The following ANKRD33B variants were observed in gnomAD, a reference collection of about 807,000 sequenced individuals.
The protein encoded by ANKRD33B is ankyrin repeat domain 33B.
Under a neutral mutation model 21.5 loss-of-function variants are expected in ANKRD33B, and 6 were observed. The observed-to-expected ratio is 0.28, with a 90% CI of 0.15 to 0.55. The LOEUF (loss-of-function observed/expected upper bound fraction) is 0.55, where lower values mean the gene tolerates loss of function less well. Ranked by LOEUF, ANKRD33B falls within the 20% of genes least tolerant of loss-of-function variation. The pLI is 0.94. For missense variants in ANKRD33B, 698 were observed against 747.2 expected, an observed-to-expected ratio of 0.93 and a Z score of 0.77; for synonymous variants, 347 against 342.4, an observed-to-expected ratio of 1.01 and a Z score of -0.15.
chr5:10,624,323 T>G lies in ANKRD33B; in HGVS notation c.496+5861T>G, dbSNP rs759967607. On this transcript the variant is annotated intron_variant, in intron 2 of 3. Transcript: ENST00000296657. ...TCTTGTATTTTCAGCAGAGGCGGGG[T>G]TTCACCATGTAGGCCAGACTGGTTT... Among the ~76,000 whole-genome samples the G allele has an allele frequency of 1.7e-4, 26 of 152,010 alleles. No homozygotes were observed. The South Asian group carries it at 2.9e-3, about 17-fold the overall frequency.
chr5:10,641,194 C>T (rs369147354), intron 3 of ANKRD33B, among the ~76,000 whole-genome samples: 1 of 146,238 alleles, frequency 6.8e-6, no homozygotes, highest in African/African-American at 2.5e-5. Context: ...TTGTCTTCTT[C>T]TTAGTTGTCC....
rs1288375041 is a variant in ANKRD33B, at chr5:10,639,640, A to G, written c.637+1472A>G. 6.2e-4 allele frequency among the ~76,000 whole-genome samples: 29 copies of G among 46,658 alleles called. 1 individual carries two copies. The highest frequency in any genetic ancestry group is 9.9e-4 in the South Asian group (1 of 1,008). 30.6% of individuals were successfully genotyped at this position (46,658 alleles called of 152,430 possible). On this transcript the variant is annotated intron_variant, in intron 3 of 3. Coordinates refer to ENST00000296657, the MANE Select transcript of ANKRD33B (RefSeq NM_001164440.2). Reference sequence around the variant, plus strand: ...GCGGCGATGTTAGCGGGTGACGCGGAGTTGCGCGGCGATGTTAGCGGGTGA... The same window carrying G: ...GCGGCGATGTTAGCGGGTGACGCGGGGTTGCGCGGCGATGTTAGCGGGTGA...
intron 2 of ANKRD33B, chr5:10,624,616 G>C (rs1410531907): frequency 5.1e-6 from 2 of 389,054 alleles, no homozygotes; most frequent in African/African-American, 4.2e-5. Context: ...AGAGGGGAGA[G>C]GGACTTTACA....
intron 1 of ANKRD33B, among the ~76,000 whole-genome samples, chr5:10,617,043 C>T (rs972109324): frequency 6.6e-6 from 1 of 152,184 alleles, no homozygotes; most frequent in Non-Finnish European, 1.5e-5. Flanking sequence ...AGGAAAAAGG[C>T]ACAAGAGAGC....
intron 1 of ANKRD33B, among the ~76,000 whole-genome samples, chr5:10,597,563 A>G (rs1275706844): frequency 6.6e-6 from 1 of 152,228 alleles, no homozygotes; most frequent in Non-Finnish European, 1.5e-5. Flanking sequence ...AGACCTACAA[A>G]GAGACTTAGA....
chr5:10,638,284 TA>T, intron 3 of ANKRD33B, 116 bp downstream of exon 3: 2 of 1,280,506 alleles, frequency 1.6e-6, no homozygotes, highest in Non-Finnish European at 2.1e-6. Context: ...GTTGCTGCAA[TA>T]AATAATAGTT....
chr5:10,614,818 C>T (rs7712598), intron 1 of ANKRD33B, among the ~76,000 whole-genome samples: 131,844 of 151,748 alleles, frequency 0.87, 57,436 homozygotes, highest in East Asian at 0.95. Context: ...ACCCAGGAGG[C>T]AGAGGTTGCA....
At chr5:10,590,513 CGGGCCACATGA>C (rs1735657413) in intron 1 of ANKRD33B, among the ~76,000 whole-genome samples, 2 of 152,290 alleles carry the variant, frequency 1.3e-5, no homozygotes, top group South Asian at 4.1e-4. Context: ...CCCTGGCCTG[CGGGCCACATGA>C]GGCCCAGGAT....
Position 10,613,831 on chromosome 5 carries a change from C to T in ANKRD33B, c.367-4502C>T, listed in dbSNP as rs562140884. 7.3e-5 allele frequency among the ~76,000 whole-genome samples: 11 copies of T among 150,506 alleles called. 1 individual carries two copies. The highest frequency in any genetic ancestry group is 2.7e-4 in the African/African-American group (11 of 40,982). On this transcript the variant is annotated intron_variant, in intron 1 of 3. Coordinates refer to ENST00000296657, the MANE Select transcript of ANKRD33B (RefSeq NM_001164440.2). The stretch of plus-strand genomic sequence containing the variant: ...AGGAGAATTGCTTGAACCCAGGAGG[C>T]GGAGGTTGCAGTGAGCCGAGATCGT...
In ANKRD33B at chr5:10,652,766, C is replaced by T; in HGVS notation, c.*2653C>T. 1 of 254,102 alleles carries T rather than the reference C, an allele frequency of 3.9e-6. No homozygotes were observed. Among genetic ancestry groups the T allele is most frequent in the South Asian group, 4.1e-5 (1 of 24,506 alleles). 15.7% of individuals were successfully genotyped at this position (254,102 alleles called of 1,614,324 possible). A position where few individuals can be genotyped will look rare whatever the true frequency, so the allele number is the denominator to read the frequency against. On this transcript the variant is annotated 3_prime_UTR_variant, in exon 4 of 4. Transcript: ENST00000296657. This position sits in a 1 kb window ranked among gnomAD's most constrained non-coding sequence, Gnocchi z 4.1. ...CGGCCCTGCCCCCGATGTGTTCCAGCCTCATCCAGGTGCACAGGATACTCT... is the reference window on the plus strand; with the variant it reads ...CGGCCCTGCCCCCGATGTGTTCCAGTCTCATCCAGGTGCACAGGATACTCT...
intron 1 of ANKRD33B, among the ~76,000 whole-genome samples, chr5:10,587,332 C>T (rs563775959): frequency 1.3e-5 from 2 of 152,154 alleles, no homozygotes; most frequent in Non-Finnish European, 2.9e-5. Context: ...AACTCCTGAC[C>T]TCAAGTGATC....
At chr5:10,617,699 C>T (rs764606245) in intron 1 of ANKRD33B, among the ~76,000 whole-genome samples, 7 of 152,320 alleles carry the variant, frequency 4.6e-5, no homozygotes, top group Non-Finnish European at 7.4e-5. Context: ...CCCCTGTCCA[C>T]GGTCTCTGAG....
At chr5:10,584,267 T>C (rs375566707) in intron 1 of ANKRD33B, among the ~76,000 whole-genome samples, 8 of 152,146 alleles carry the variant, frequency 5.3e-5, no homozygotes, top group African/African-American at 1.7e-4. Flanking sequence ...AACTGTCAGC[T>C]GGGGGCGGTG....
intron 1 of ANKRD33B, among the ~76,000 whole-genome samples, chr5:10,604,305 C>T (rs1248334549): frequency 4.0e-5 from 6 of 150,654 alleles, no homozygotes. Context: ...GATTCTCCCA[C>T]CTCAGCCTCC....
At position 10,649,434 on chromosome 5, in the gene ANKRD33B, C is replaced by G. The variant is rs1737270805; in HGVS notation, c.806C>G (p.Ala269Gly). 1 of 1,535,376 alleles carries G rather than the reference C, an allele frequency of 6.5e-7. No individual in the cohort carries two copies. The highest frequency in any genetic ancestry group is 8.7e-7 in the Non-Finnish European group (1 of 1,146,476). ...YRPELPPPPE[A>G]ARKPAGSKNC... ...CCCGAGCTGCCGCCGCCCCCTGAAG[C>G]GGCGCGGAAGCCCGCGGGCTCCAAG... The change falls in exon 4 of 4, where the codon GCG becomes GGG. Residue 269 changes from alanine (A) to glycine (G), a missense_variant. Ala to Gly is a moderately conservative substitution (Grantham distance 60). Around this residue, in one of 3 missense-constraint regions of ANKRD33B, gnomAD observed 543 missense variants for 566.5 expected, o/e 0.96. Coordinates refer to ENST00000296657, the MANE Select transcript of ANKRD33B (RefSeq NM_001164440.2).
intron 3 of ANKRD33B, among the ~76,000 whole-genome samples, chr5:10,644,037 C>A (rs938736386): frequency 4.6e-5 from 7 of 151,414 alleles, no homozygotes; most frequent in African/African-American, 1.7e-4. Flanking sequence ...GAATTGCTTC[C>A]CCAGGATTAG....
At chr5:10,640,795 T>C (rs1055305668) in intron 3 of ANKRD33B, among the ~76,000 whole-genome samples, 9 of 152,200 alleles carry the variant, frequency 5.9e-5, no homozygotes, top group African/African-American at 2.2e-4. Context: ...CTGTAGAAAT[T>C]TATTGCTCAC....
chr5:10,608,670 A>G (rs1347943685), intron 1 of ANKRD33B, among the ~76,000 whole-genome samples: 1 of 152,038 alleles, frequency 6.6e-6, no homozygotes, highest in African/African-American at 2.4e-5. Flanking sequence ...ATGAAAAAAA[A>G]AAAAACTTGA....
intron 2 of ANKRD33B, among the ~76,000 whole-genome samples, chr5:10,622,010 A>G (rs1248803652): frequency 1.3e-5 from 2 of 152,240 alleles, no homozygotes; most frequent in Admixed American, 6.5e-5. Flanking sequence ...GCTGCCTGCA[A>G]ACAGGAGGAG....
Sources: gnomAD v4.1 joint callset for allele counts (sites outside exome capture counted in the v4.1 genomes callset) on GRCh38, gnomAD v4.1.1 for gene constraint, gnomAD v4.1.1 regional missense constraint, Gnocchi (gnomAD v3.1) non-coding constraint, MANE v1.5 for transcripts, NCBI Gene and HGNC (gene_info 2026-07-23, HGNC 2026-07-21) for gene names.